FHIT: variants seen among roughly 807,000 people sequenced by gnomAD.
FHIT encodes bis(5'-adenosyl)-triphosphatase.
FHIT carries 19 observed loss-of-function variants against 17.9 expected under a neutral mutation model. The observed-to-expected ratio is 1.06, with a 90% CI of 0.74 to 1.56. The LOEUF is 1.56. Ranked by LOEUF, FHIT falls within the 40% of genes most tolerant of loss-of-function variation. FHIT has a pLI of 0.00. For synonymous variants in FHIT, 81 were observed against 69.7 expected (o/e 1.16, Z -0.81); for missense variants, 248 against 189.2 (o/e 1.31, Z -1.82).
intron 5 of FHIT, among the ~76,000 whole-genome samples, chr3:60,377,502 T>A (rs1452254395): frequency 1.1e-5 from 1 of 94,826 alleles, no homozygotes. Context: ...TGAGACGGAG[T>A]CTCGCTCTGT....
chr3:60,151,453 T>C (rs866732143), intron 5 of FHIT, among the ~76,000 whole-genome samples: 1 of 152,136 alleles, frequency 6.6e-6, no homozygotes, highest in Non-Finnish European at 1.5e-5. Flanking sequence ...TGCAATGTAT[T>C]CTTCAAAGAA....
chr3:61,065,890 G>T (rs910974318), intron 2 of FHIT, among the ~76,000 whole-genome samples: 1 of 152,136 alleles, frequency 6.6e-6, no homozygotes, highest in Non-Finnish European at 1.5e-5. Context: ...TCAACTTACT[G>T]TATCTCCATT....
chr3:60,290,063 T>C (rs1351978690), intron 5 of FHIT, among the ~76,000 whole-genome samples: 1 of 152,164 alleles, frequency 6.6e-6, no homozygotes, highest in African/African-American at 2.4e-5. Context: ...CACAATACTG[T>C]TTCTGATGCT....
At chr3:61,233,601 A>G (rs1375680470) in intron 1 of FHIT, among the ~76,000 whole-genome samples, 3 of 152,220 alleles carry the variant, frequency 2.0e-5, no homozygotes, top group Non-Finnish European at 4.4e-5. Context: ...TAACTAGACT[A>G]GAAGGATAGA....
chr3:60,473,295 G>A (rs765215493), intron 5 of FHIT, among the ~76,000 whole-genome samples: 1 of 152,146 alleles, frequency 6.6e-6, no homozygotes, highest in Non-Finnish European at 1.5e-5. Context: ...CACTTAATTT[G>A]CATGAGCACT....
intron 4 of FHIT, among the ~76,000 whole-genome samples, chr3:60,818,671 C>T (rs782766053): frequency 5.3e-5 from 8 of 152,116 alleles, no homozygotes; most frequent in Admixed American, 1.3e-4. Context: ...TAGTTTGTCT[C>T]ATATTAATAA....
chr3:60,798,752 C>CTTTTTTTT (rs35159710), intron 4 of FHIT, among the ~76,000 whole-genome samples: 20 of 105,458 alleles, frequency 1.9e-4, no homozygotes, highest in Non-Finnish European at 2.2e-4. Flanking sequence ...ACTGCAATAG[C>CTTTTTTTT]TTTTTTTTTT....
intron 4 of FHIT, among the ~76,000 whole-genome samples, chr3:60,626,783 CTCTTT>C (rs1265158587): frequency 8.1e-5 from 7 of 85,956 alleles, no homozygotes; most frequent in South Asian, 3.2e-4. Context: ...GGGGAAAACA[CTCTTT>C]TTTTTTTTTT....
Position 59,836,979 on chromosome 3 carries a change from A to G in FHIT, c.349-84658T>C, listed in dbSNP as rs1463762356. 2.0e-5 allele frequency among the ~76,000 whole-genome samples: 3 copies of G among 152,208 alleles called. No individual in the cohort carries two copies. In the South Asian group the frequency reaches 6.2e-4, roughly 32 times the overall value. On this transcript the variant is annotated intron_variant, in intron 8 of 9. Coordinates refer to ENST00000492590, the MANE Select transcript of FHIT (RefSeq NM_002012.4). ...CTAGTCCTAAACTCACTATACGTCT[A>G]TGCTATCATTTCTAAATTATATTCC...
At chr3:60,281,350 T>C (rs574952342) in intron 5 of FHIT, among the ~76,000 whole-genome samples, 5 of 152,218 alleles carry the variant, frequency 3.3e-5, no homozygotes, top group South Asian at 2.1e-4. Flanking sequence ...GTAAAGTTCA[T>C]AGAGAAGGGC....
intron 5 of FHIT, among the ~76,000 whole-genome samples, chr3:60,485,621 G>A (rs2033804202): frequency 6.6e-6 from 1 of 151,950 alleles, no homozygotes; most frequent in Admixed American, 6.6e-5. Flanking sequence ...ATGGACACAG[G>A]GAGGGGAACA....
chr3:61,076,375 G>T (rs750351859), intron 2 of FHIT, among the ~76,000 whole-genome samples: 4 of 152,038 alleles, frequency 2.6e-5, no homozygotes, highest in African/African-American at 9.7e-5. Context: ...GAGCTATAAG[G>T]GCTGGTAAAA....
intron 8 of FHIT, among the ~76,000 whole-genome samples, chr3:59,911,579 C>T (rs901196067): frequency 1.3e-5 from 2 of 152,174 alleles, no homozygotes; most frequent in African/African-American, 4.8e-5. Context: ...TCCACTGTGC[C>T]TCTAGACTAA....
chr3:60,448,546 A>C (rs2031500648), intron 5 of FHIT, among the ~76,000 whole-genome samples: 1 of 152,180 alleles, frequency 6.6e-6, no homozygotes, highest in South Asian at 2.1e-4. Context: ...ACGGATAAGG[A>C]AAATGAAGCA....
intron 4 of FHIT, among the ~76,000 whole-genome samples, chr3:60,676,899 G>A (rs929450804): frequency 2.6e-5 from 4 of 152,082 alleles, no homozygotes; most frequent in African/African-American, 9.7e-5. Flanking sequence ...TTTTGAGACA[G>A]GGTCTCATAA....
intron 4 of FHIT, among the ~76,000 whole-genome samples, chr3:60,594,108 C>A (rs2038181669): frequency 6.6e-6 from 1 of 151,980 alleles, no homozygotes; most frequent in Non-Finnish European, 1.5e-5. Context: ...AAAGTTAACA[C>A]CTATAAAAAT....
At chr3:60,540,750 C>T (rs2036160114) in intron 4 of FHIT, among the ~76,000 whole-genome samples, 1 of 152,102 alleles carries the variant, frequency 6.6e-6, no homozygotes, top group South Asian at 2.1e-4. Flanking sequence ...GAGAGCTGTG[C>T]AAATGTCACT....
At chr3:60,118,630 A>G (rs9809808) in intron 5 of FHIT, among the ~76,000 whole-genome samples, 40,793 of 151,560 alleles carry the variant, frequency 0.27, 6,249 homozygotes, top group Non-Finnish European at 0.36. Context: ...GAATTAACAA[A>G]AATAAGAAAC....
intron 8 of FHIT, among the ~76,000 whole-genome samples, chr3:59,855,892 T>A (rs1440180292): frequency 6.6e-6 from 1 of 151,898 alleles, no homozygotes; most frequent in Non-Finnish European, 1.5e-5. Flanking sequence ...GCCATTTTCC[T>A]GCCTCAGCCT....
Sources: allele counts gnomAD v4.1 joint callset (sites outside exome capture counted in the v4.1 genomes callset), GRCh38; gene constraint gnomAD v4.1.1; transcripts MANE v1.5; gene names NCBI Gene and HGNC (gene_info 2026-07-23, HGNC 2026-07-21).